The following RIMBP2 variants were observed in gnomAD, a reference collection of about 807,000 sequenced individuals.
RIMBP2 encodes RIMS binding protein 2, also known as RIMS-binding protein 2.
RIMBP2 carries 48 observed loss-of-function variants against 118.6 expected under a neutral mutation model. The observed-to-expected ratio is 0.40, with a 90% CI of 0.32 to 0.51. The LOEUF (loss-of-function observed/expected upper bound fraction) is 0.51. Ranked by LOEUF, RIMBP2 falls within the 20% of genes least tolerant of loss-of-function variation. RIMBP2 has a pLI of 0.41. For synonymous variants in RIMBP2, 762 were observed against 742.9 expected (o/e 1.03, Z -0.42); for missense variants, 1,551 against 1,768.3 (o/e 0.88, Z 2.20).
At chr12:130,641,317 C>T (rs912380876) in intron 1 of RIMBP2, among the ~76,000 whole-genome samples, 2 of 149,222 alleles carry the variant, frequency 1.3e-5, no homozygotes, top group East Asian at 2.0e-4. Context: ...ACACTCGGCC[C>T]GGCATCACGG....
intron 19 of RIMBP2, among the ~76,000 whole-genome samples, chr12:130,408,915 C>T (rs934376632): frequency 6.6e-6 from 1 of 152,198 alleles, no homozygotes; most frequent in Non-Finnish European, 1.5e-5. Flanking sequence ...AGCGATTACT[C>T]TCCCCTTGGG....
chr12:130,435,144 C>T (rs1566026638), intron 13 of RIMBP2, among the ~76,000 whole-genome samples: 2 of 151,898 alleles, frequency 1.3e-5, no homozygotes, highest in Non-Finnish European at 2.9e-5. Context: ...CTCCCAGGTT[C>T]AAGCAATTCT....
intron 20 of RIMBP2, 67 bp from the exon 21 acceptor site, chr12:130,406,310 G>T: frequency 9.6e-7 from 1 of 1,041,466 alleles, no homozygotes; most frequent in Non-Finnish European, 1.5e-6. Flanking sequence ...TTAAAAATAA[G>T]TTCTCTATGC....
chr12:130,535,325 C>A (rs980256551), intron 2 of RIMBP2, among the ~76,000 whole-genome samples: 17 of 150,422 alleles, frequency 1.1e-4, no homozygotes, highest in Admixed American at 4.7e-4. Flanking sequence ...ATAGCAAAAC[C>A]CAGTCTCAAC....
At chr12:130,646,031 G>T (rs913935371) in intron 1 of RIMBP2, among the ~76,000 whole-genome samples, 1 of 149,680 alleles carries the variant, frequency 6.7e-6, no homozygotes, top group Non-Finnish European at 1.5e-5. Context: ...CTGTGGTGCG[G>T]CAGCCAGTTC....
At chr12:130,705,156 C>T (rs533510407) in intron 1 of RIMBP2, among the ~76,000 whole-genome samples, 2 of 152,292 alleles carry the variant, frequency 1.3e-5, no homozygotes, top group Admixed American at 6.5e-5. Context: ...CAGAGTCACA[C>T]GGATGTGCCT....
At chr12:130,604,238 C>T (rs1395788999) in intron 2 of RIMBP2, among the ~76,000 whole-genome samples, 2 of 146,792 alleles carry the variant, frequency 1.4e-5, no homozygotes, top group African/African-American at 2.5e-5. Context: ...TGTGCAATGT[C>T]TTTGTGTTTC....
In RIMBP2 at chr12:130,396,859, A is replaced by G. The variant is rs761801300; in HGVS notation, c.*502T>C. ...ATGAAGACCACTGAATGCACGACAC[A>G]TACAAAGTATACACTGTTTTTATTA... is the stretch of plus-strand genomic sequence containing the variant. On this transcript the variant is annotated 3_prime_UTR_variant, in exon 23 of 23. Transcript: ENST00000690449. The G allele has an allele frequency of 6.5e-6, 1 of 152,692 alleles. No homozygotes were observed. The highest frequency in any genetic ancestry group is 1.5e-5 in the Non-Finnish European group (1 of 68,072). The allele number at this position is 152,692 out of a possible 1,614,324, so 9.5% of individuals were successfully genotyped here. A position where few individuals can be genotyped will look rare whatever the true frequency, so the allele number is the denominator to read the frequency against.
Position 130,688,814 on chromosome 12 carries a change from C to G in RIMBP2, c.-352+27408G>C, listed in dbSNP as rs1167328707. On this transcript the variant is annotated intron_variant, in intron 1 of 22. Transcript: ENST00000690449. This position sits in a 1 kb window ranked among gnomAD's most constrained non-coding sequence, Gnocchi z 4.7. ...CCTCCGGCCCCCAATTCCAACTGCT[C>G]AGCTGAAACGTTTCGAACCAAGTCT... Among the ~76,000 whole-genome samples, 1 of 152,238 alleles carries G rather than the reference C, an allele frequency of 6.6e-6. No homozygotes were observed. The highest frequency in any genetic ancestry group is 2.1e-4 in the South Asian group (1 of 4,836).
intron 2 of RIMBP2, among the ~76,000 whole-genome samples, chr12:130,590,964 A>G (rs552385636): frequency 6.6e-6 from 1 of 152,208 alleles, no homozygotes; most frequent in South Asian, 2.1e-4. Flanking sequence ...CGGGATGCAG[A>G]CTCTAGCGTT....
At chr12:130,559,871 C>T (rs78496981) in intron 2 of RIMBP2, among the ~76,000 whole-genome samples, 7,406 of 152,260 alleles carry the variant, frequency 0.049, 266 homozygotes, top group Middle Eastern at 0.13. Context: ...TCAAGGCCTC[C>T]GAATTTTCTT....
intron 4 of RIMBP2, among the ~76,000 whole-genome samples, chr12:130,491,714 C>G (rs1264587780): frequency 6.6e-6 from 1 of 152,212 alleles, no homozygotes; most frequent in South Asian, 2.1e-4. Context: ...CACCCTGACA[C>G]CGGGCTTCCG....
At chr12:130,557,099 C>T (rs192864523) in intron 2 of RIMBP2, among the ~76,000 whole-genome samples, 1 of 152,248 alleles carries the variant, frequency 6.6e-6, no homozygotes, top group Non-Finnish European at 1.5e-5. Flanking sequence ...AGCAGACCCT[C>T]GTCTCATATG....
chr12:130,501,918 T>C (rs1240307162), intron 4 of RIMBP2, among the ~76,000 whole-genome samples: 1 of 152,232 alleles, frequency 6.6e-6, no homozygotes, highest in Non-Finnish European at 1.5e-5. Context: ...TGGCTCCTCA[T>C]AGCTGGAGAC....
At chr12:130,549,174 G>A (rs2055485157) in intron 2 of RIMBP2, among the ~76,000 whole-genome samples, 1 of 152,132 alleles carries the variant, frequency 6.6e-6, no homozygotes, top group Admixed American at 6.5e-5. Flanking sequence ...TAGGCTGGTG[G>A]ATATTTCATC....
intron 2 of RIMBP2, among the ~76,000 whole-genome samples, chr12:130,532,979 G>T (rs886963949): frequency 7.0e-6 from 1 of 143,230 alleles, no homozygotes; most frequent in Non-Finnish European, 1.5e-5. Flanking sequence ...TAGGAGTTAC[G>T]TCTAATGAGA....
chr12:130,554,338 A>T lies in RIMBP2; in HGVS notation c.-216-36421T>A, dbSNP rs1237154066. 3.3e-5 allele frequency among the ~76,000 whole-genome samples: 5 copies of T among 152,348 alleles called. No individual in the cohort carries two copies. In the East Asian group the frequency reaches 9.6e-4, roughly 29 times the overall value. On this transcript the variant is annotated intron_variant, in intron 2 of 22. Transcript: ENST00000690449. ...TTGCTAAAGTACCTAGCACACAGGA[A>T]GTGCCCAGGGAGTGATTAGCATTCT...
At chr12:130,415,770 C>G (rs186037618) in intron 17 of RIMBP2, among the ~76,000 whole-genome samples, 2 of 152,162 alleles carry the variant, frequency 1.3e-5, no homozygotes, top group African/African-American at 4.8e-5. Flanking sequence ...AATTATCTCT[C>G]TTCACTGATG....
intron 2 of RIMBP2, among the ~76,000 whole-genome samples, chr12:130,532,885 T>G (rs375380877): frequency 1.4e-5 from 2 of 143,320 alleles, no homozygotes; most frequent in African/African-American, 5.4e-5. Context: ...ATGCGTATGT[T>G]TAGCCTCTAG....
Sources: allele counts gnomAD v4.1 joint callset (sites outside exome capture counted in the v4.1 genomes callset), GRCh38; gene constraint gnomAD v4.1.1; non-coding constraint Gnocchi (gnomAD v3.1); transcripts MANE v1.5; gene names NCBI Gene and HGNC (gene_info 2026-07-23, HGNC 2026-07-21).